The following PDE1C variants were observed in gnomAD, a reference collection of about 807,000 sequenced individuals.
PDE1C encodes dual specificity calcium/calmodulin-dependent 3',5'-cyclic nucleotide phosphodiesterase 1C.
A neutral mutation model predicts 93.1 loss-of-function variants in PDE1C; 62 were observed. The ratio of observed to expected loss-of-function variants is 0.67; its 90% CI spans 0.54 to 0.82. The LOEUF is 0.82. Among genes scored for constraint, PDE1C ranks in the 40% least tolerant of loss-of-function variants. The pLI is 0.00. For missense variants in PDE1C, 742 were observed against 884.6 expected, an observed-to-expected ratio of 0.84 and a Z score of 2.04; for synonymous variants, 325 against 310.1, an observed-to-expected ratio of 1.05 and a Z score of -0.50.
At chr7:32,029,900 A>T (rs1490626947) in intron 2 of PDE1C, among the ~76,000 whole-genome samples, 2 of 152,132 alleles carry the variant, frequency 1.3e-5, no homozygotes, top group African/African-American at 4.8e-5. Flanking sequence ...AACATTATTT[A>T]TCACAGTAAA....
chr7:32,220,950 C>A (rs779784790), intron 1 of PDE1C, among the ~76,000 whole-genome samples: 6 of 152,200 alleles, frequency 3.9e-5, no homozygotes, highest in Non-Finnish European at 8.8e-5. Flanking sequence ...CACCTTCCTT[C>A]TGGAGGCAGG....
At chr7:32,400,137 C>T (rs1784916024) in intron 1 of PDE1C, among the ~76,000 whole-genome samples, 1 of 152,076 alleles carries the variant, frequency 6.6e-6, no homozygotes, top group Non-Finnish European at 1.5e-5. Flanking sequence ...TGTATATGTC[C>T]CTGTATTCAC....
At chr7:31,694,142 C>G in the PDE1C span, among the ~76,000 whole-genome samples, 5 of 152,090 alleles carry the variant, frequency 3.3e-5, no homozygotes, top group African/African-American at 9.7e-5. Flanking sequence ...GAAATAATAA[C>G]TAGATCATCT....
intron 3 of PDE1C, among the ~76,000 whole-genome samples, chr7:32,136,334 T>TTTTA (rs1011261828): frequency 5.3e-5 from 8 of 150,756 alleles, no homozygotes; most frequent in Middle Eastern, 3.5e-3. Flanking sequence ...ATTAATGCAT[T>TTTTA]TTTATTTATT....
chr7:31,750,387 T>C (rs1006709663), downstream of PDE1C, among the ~76,000 whole-genome samples: 7 of 152,166 alleles, frequency 4.6e-5, no homozygotes, highest in African/African-American at 1.7e-4. Flanking sequence ...GGGTAATACA[T>C]GGTGAAATTA....
intron 2 of PDE1C, among the ~76,000 whole-genome samples, chr7:32,006,328 T>C (rs1463805876): frequency 1.3e-5 from 2 of 152,196 alleles, no homozygotes; most frequent in Non-Finnish European, 2.9e-5. Flanking sequence ...CATTGGCTGA[T>C]CAATTTGAAA....
Position 31,795,746 on chromosome 7 carries a change from T to TTA in PDE1C, c.1891+13283_1891+13284dup, listed in dbSNP as rs537112636. ...GAAGTTTCCCTTAGTATAACACAAT[T>TTA]TATTTAAACCCATCAATCTCATATA... On this transcript the variant is annotated intron_variant, in intron 16 of 17. Transcript: ENST00000396191. Among the ~76,000 whole-genome samples, 32 of 151,874 alleles carry TTA rather than the reference T, an allele frequency of 2.1e-4. No homozygotes were observed. In the South Asian group the frequency reaches 6.2e-3, roughly 29 times the overall value.
chr7:32,404,430 T>C (rs1164970123), intron 1 of PDE1C, among the ~76,000 whole-genome samples: 1 of 152,154 alleles, frequency 6.6e-6, no homozygotes, highest in Non-Finnish European at 1.5e-5. Context: ...CACAGCTCAC[T>C]ACAGCCTCAG....
intron 1 of PDE1C, among the ~76,000 whole-genome samples, chr7:32,361,258 G>A (rs968928857): frequency 3.3e-5 from 5 of 152,144 alleles, no homozygotes; most frequent in African/African-American, 9.7e-5. Context: ...AGTCTTTCAC[G>A]GTAGGTGCAA....
intron 2 of PDE1C, among the ~76,000 whole-genome samples, chr7:32,184,829 TG>T (rs1803729480): frequency 6.6e-6 from 1 of 152,096 alleles, no homozygotes; most frequent in Non-Finnish European, 1.5e-5. Context: ...AACAACTTCT[TG>T]GCCGGGCACT....
intron 1 of PDE1C, among the ~76,000 whole-genome samples, chr7:32,368,615 A>T (rs1784268193): frequency 6.6e-6 from 1 of 152,220 alleles, no homozygotes; most frequent in South Asian, 2.1e-4. Context: ...CTCTACCAAA[A>T]TACCAATAAC....
chr7:31,672,829 A>G, the PDE1C span, among the ~76,000 whole-genome samples: 6,419 of 152,246 alleles, frequency 0.042, 227 homozygotes, highest in African/African-American at 0.09. Context: ...ATCTCAAATT[A>G]TAATTCCCAT....
chr7:32,037,341 G>A (rs897916036), intron 2 of PDE1C, among the ~76,000 whole-genome samples: 3 of 152,046 alleles, frequency 2.0e-5, no homozygotes, highest in Non-Finnish European at 2.9e-5. Flanking sequence ...TCTAGTTCAC[G>A]ATAAGGTAAT....
intron 1 of PDE1C, among the ~76,000 whole-genome samples, chr7:32,263,373 CTG>C (rs373587004): frequency 3.3e-5 from 5 of 150,514 alleles, no homozygotes; most frequent in Admixed American, 6.6e-5. Context: ...GTCTGTGTGT[CTG>C]TGTGTGTGTG....
At chr7:32,270,456 G>A (rs369870744) in intron 1 of PDE1C, among the ~76,000 whole-genome samples, 1 of 152,076 alleles carries the variant, frequency 6.6e-6, no homozygotes. Flanking sequence ...AGGCTTCTCA[G>A]GAAGTCAAGC....
chr7:31,686,806 T>C, the PDE1C span: 1 of 152,202 alleles, frequency 6.6e-6, no homozygotes, highest in Non-Finnish European at 1.5e-5. Flanking sequence ...CTCTTCCTCC[T>C]CATGATAGTA....
At chr7:31,727,919 C>A in the PDE1C span, among the ~76,000 whole-genome samples, 1 of 152,072 alleles carries the variant, frequency 6.6e-6, no homozygotes, top group Non-Finnish European at 1.5e-5. Flanking sequence ...TGGCATGCAC[C>A]TATATTCCTC....
intron 3 of PDE1C, among the ~76,000 whole-genome samples, chr7:32,147,330 A>AAGAC (rs1372002902): frequency 1.3e-5 from 2 of 149,910 alleles, no homozygotes; most frequent in African/African-American, 4.9e-5. Flanking sequence ...GAAAGAAAGA[A>AAGAC]AGACGCTGTT....
At chr7:32,147,998 A>AAAAAAAAAAAAAAAAAAAAAAAAAAAC (rs1801008828) in intron 3 of PDE1C, among the ~76,000 whole-genome samples, 1 of 150,864 alleles carries the variant, frequency 6.6e-6, no homozygotes, top group Non-Finnish European at 1.5e-5. Context: ...AAAAAAAAAA[A>AAAAAAAAAAAAAAAAAAAAAAAAAAAC]AAAAAAAGCC....
Sources: gnomAD v4.1 joint callset for allele counts (sites outside exome capture counted in the v4.1 genomes callset) on GRCh38, gnomAD v4.1.1 for gene constraint, MANE v1.5 for transcripts, NCBI Gene and HGNC (gene_info 2026-07-23, HGNC 2026-07-21) for gene names.